Variants in IL17RB observed in about 807,000 individuals in gnomAD.
IL17RB encodes the protein interleukin 17 receptor B.
In IL17RB, 36 loss-of-function variants were observed where a neutral mutation model predicts 43.9. That is an observed-to-expected ratio of 0.82 (90% confidence interval 0.63 to 1.08). IL17RB has a LOEUF of 1.08. Among genes scored for constraint, IL17RB ranks in the 50% least tolerant of loss-of-function variants. IL17RB has a pLI of 0.00. For synonymous variants in IL17RB, 225 were observed against 225.4 expected (o/e 1.00, Z 0.02); for missense variants, 613 against 613.6 (o/e 1.00, Z 0.01).
intron 2 of IL17RB, 95 bp from the exon 3 acceptor site, chr3:53,849,560 T>G (rs1282068105): frequency 7.5e-6 from 8 of 1,071,842 alleles, no homozygotes; most frequent in Non-Finnish European, 5.1e-6. Context: ...GAATTGTGAA[T>G]GGGGGAAGGT....
chr3:53,855,327 A>G lies in IL17RB; in HGVS notation c.515A>G (p.Lys172Arg). ...CLDHIMKYKK[K>R]CVKAGSLWDP... ...GACCACATAATGAAATATAAAAAAA[A>G]GTGTGTCAAGGCCGGTAAGTAAATA... The change falls in exon 6 of 11, where the codon AAG (lysine) becomes AGG (arginine). Residue 172 changes from lysine to arginine, a missense_variant. Coordinates refer to ENST00000288167, the MANE Select transcript of IL17RB (RefSeq NM_018725.4). The G allele has an allele frequency of 3.1e-6, 5 of 1,606,434 alleles. No homozygotes were observed. Among genetic ancestry groups the G allele is most frequent in the Non-Finnish European group, 4.3e-6 (5 of 1,174,224 alleles).
rs377613138 is a variant in IL17RB, at chr3:53,861,394, A to T, written c.946+1166A>T. ...ATTGTTCACCATTTCAAGATAAATG[A>T]ATCCAGCGTAAGGACCATAGTCAAA... On this transcript the variant is annotated intron_variant, in intron 10 of 10. Coordinates refer to ENST00000288167, the MANE Select transcript of IL17RB (RefSeq NM_018725.4). The T allele has an allele frequency of 8.5e-5, 13 of 152,252 alleles. 1 individual carries two copies. Among genetic ancestry groups the T allele is most frequent in the Admixed American group, 3.3e-4 (5 of 15,286 alleles). 9.4% of individuals were successfully genotyped at this position (152,252 alleles called of 1,614,324 possible). A position where few individuals can be genotyped will look rare whatever the true frequency, so the allele number is the denominator to read the frequency against.
intron 6 of IL17RB, 89 bp downstream of exon 6, chr3:53,855,430 G>A (rs1396889053): frequency 2.2e-6 from 2 of 908,984 alleles, no homozygotes; most frequent in Non-Finnish European, 3.5e-6. Context: ...CAGAAGAACT[G>A]AGCCCTAGGG....
chr3:53,860,614 C>G (rs1455979172), intron 10 of IL17RB: 1 of 156,644 alleles, frequency 6.4e-6, no homozygotes, highest in Non-Finnish European at 1.4e-5. Flanking sequence ...TGGATTCATA[C>G]ACAGTTGACC....
In IL17RB at chr3:53,859,354, A is replaced by G. The variant is rs78484379; in HGVS notation, c.847+536A>G. 6.3e-3 allele frequency: 960 copies of G among 152,792 alleles called. 4 individuals are homozygous for G. The highest frequency in any genetic ancestry group is 8.6e-3 in the Non-Finnish European group (585 of 68,414). The allele number at this position is 152,792 out of a possible 1,614,324, so 9.5% of individuals were successfully genotyped here. A position where few individuals can be genotyped will look rare whatever the true frequency, so the allele number is the denominator to read the frequency against. ...TTTTCATTACAGATGGAGAAATACAATGTTTACACAACAGTCCAGGGGTGG... is the reference window on the plus strand; with the variant it reads ...TTTTCATTACAGATGGAGAAATACAGTGTTTACACAACAGTCCAGGGGTGG... On this transcript the variant is annotated intron_variant, in intron 9 of 10. Transcript: ENST00000288167.
intron 10 of IL17RB, among the ~76,000 whole-genome samples, chr3:53,864,142 A>G (rs1321687172): frequency 6.6e-6 from 1 of 152,126 alleles, no homozygotes; most frequent in Non-Finnish European, 1.5e-5. Context: ...TCTTAAACCT[A>G]AAGTTTCTAT....
At chr3:53,857,521 G>A in intron 7 of IL17RB, 95 bp from the exon 8 acceptor site, 1 of 1,053,436 alleles carries the variant, frequency 9.5e-7, no homozygotes, top group Non-Finnish European at 1.5e-6. Context: ...CTGGGCTCAA[G>A]CCATCTGCCT....
At chr3:53,853,889 A>G (rs976589394) in intron 5 of IL17RB, among the ~76,000 whole-genome samples, 2 of 151,616 alleles carry the variant, frequency 1.3e-5, no homozygotes, top group African/African-American at 4.8e-5. Flanking sequence ...CTTTTATTTT[A>G]TTATTTATTT....
In IL17RB at chr3:53,852,066, C is replaced by A; in HGVS notation, c.294C>A (p.Ser98Arg). ...GCAAAAGCAACTTCCAGTCCTACAG[C>A]TGTGTGAGGTGCAATTACACAGAGG... ...VTGKSNFQSY[S>R]CVRCNYTEAF... The change falls in exon 4 of 11, where the codon AGC (serine) becomes AGA (arginine). Residue 98 changes from serine to arginine, a missense_variant. Physicochemically the swap from Ser to Arg is moderately radical, Grantham distance 110 (BLOSUM62 -1). Transcript: ENST00000288167. The A allele has an allele frequency of 6.2e-7, 1 of 1,614,160 alleles. No individual in the cohort carries two copies. The highest frequency in any genetic ancestry group is 8.5e-7 in the Non-Finnish European group (1 of 1,180,034).
At chr3:53,855,116 C>CAAAA (rs746854673) in intron 5 of IL17RB, among the ~76,000 whole-genome samples, 178 bp from the exon 6 acceptor site, 4 of 69,398 alleles carry the variant, frequency 5.8e-5, no homozygotes, top group Admixed American at 1.7e-4. Flanking sequence ...GACTCCGGCT[C>CAAAA]AAAAAAAAAA....
chr3:53,848,642 C>A, intron 1 of IL17RB, 22 bp from the exon 2 acceptor site: 1 of 1,472,124 alleles, frequency 6.8e-7, no homozygotes, highest in Non-Finnish European at 9.0e-7. Flanking sequence ...CAACGTGACG[C>A]TTGGTTTTTT....
chr3:53,864,338 C>A (rs1258003345), intron 10 of IL17RB, among the ~76,000 whole-genome samples: 1 of 152,142 alleles, frequency 6.6e-6, no homozygotes, highest in African/African-American at 2.4e-5. Context: ...AGATCGAGAC[C>A]ATCCTGGCTA....
At chr3:53,854,116 C>T (rs1452331498) in intron 5 of IL17RB, among the ~76,000 whole-genome samples, 11 of 152,122 alleles carry the variant, frequency 7.2e-5, no homozygotes, top group Admixed American at 7.2e-4. Context: ...AGGCTAGTCT[C>T]AAACTCCTAA....
chr3:53,852,810 G>A (rs571754596), intron 4 of IL17RB, 61 bp from the exon 5 acceptor site: 3 of 1,544,062 alleles, frequency 1.9e-6, no homozygotes, highest in African/African-American at 1.4e-5. Context: ...AACACACTAA[G>A]GTATACTGTT....
chr3:53,848,953 T>C (rs551466799), intron 2 of IL17RB, among the ~76,000 whole-genome samples: 76 of 152,234 alleles, frequency 5.0e-4, no homozygotes, highest in Non-Finnish European at 7.1e-4. Flanking sequence ...CCTGCCACTC[T>C]GCAGAGGGAG....
Position 53,856,990 on chromosome 3 carries a change from C to A in IL17RB, c.672+4C>A. 1.2e-6 allele frequency: 2 copies of A among 1,613,708 alleles called. No homozygotes were observed. Among genetic ancestry groups the A allele is most frequent in the Non-Finnish European group, 8.5e-7 (1 of 1,179,988 alleles). On this transcript the variant is annotated splice_donor_region_variant and intron_variant, in intron 7 of 10. Transcript: ENST00000288167. ...CGGGTTTTCTCAGGTGTTTGAGGTA[C>A]TTTTTCTCTTCGTCCCCTTCACCTC...
Position 53,865,010 on chromosome 3 carries a change from G to A in IL17RB, c.1211G>A (p.Cys404Tyr), listed in dbSNP as rs748689565. The stretch of plus-strand genomic sequence containing the variant: ...CTTTCCAATGACGTCAACAGTGTGT[G>A]CGATGGTACCTGTGGCAAGAGCGAG... The part of the protein sequence containing the change: ...FLLSNDVNSV[C>Y]DGTCGKSEGS... Residue 404 changes from cysteine to tyrosine, a missense_variant, in exon 11 of 11, where the codon TGC becomes TAC. Coordinates refer to ENST00000288167, the MANE Select transcript of IL17RB (RefSeq NM_018725.4). The A allele has an allele frequency of 1.2e-6, 2 of 1,614,216 alleles. No homozygotes were observed. The highest frequency in any genetic ancestry group is 1.7e-6 in the Non-Finnish European group (2 of 1,180,050).
Position 53,857,598 on chromosome 3 carries a change from G to C in IL17RB, c.673-18G>C. ...GTGCACCTGGCACCTCATAATTCTTGACTCTCTCTCTCTTAAGCCACACCA... is the reference window on the plus strand; with the variant it reads ...GTGCACCTGGCACCTCATAATTCTTCACTCTCTCTCTCTTAAGCCACACCA... On this transcript the variant is annotated intron_variant, in intron 7 of 10. Transcript: ENST00000288167. 6.2e-7 allele frequency: 1 copy of C among 1,608,538 alleles called. No homozygotes were observed. Among genetic ancestry groups the C allele is most frequent in the South Asian group, 1.1e-5 (1 of 90,952 alleles).
At chr3:53,862,513 A>G (rs572159374) in intron 10 of IL17RB, among the ~76,000 whole-genome samples, 1 of 152,228 alleles carries the variant, frequency 6.6e-6, no homozygotes, top group East Asian at 1.9e-4. Context: ...CCAATCAAGG[A>G]AAGAGATTGT....
Sources: allele counts gnomAD v4.1 joint callset (sites outside exome capture counted in the v4.1 genomes callset), GRCh38; gene constraint gnomAD v4.1.1; transcripts MANE v1.5; gene names NCBI Gene and HGNC (gene_info 2026-07-23, HGNC 2026-07-21).